Variants in OSBPL9 observed in about 807,000 individuals in gnomAD.
The protein encoded by OSBPL9 is oxysterol-binding protein-related protein 9.
Under a neutral mutation model 106.6 loss-of-function variants are expected in OSBPL9, and 40 were observed. The ratio of observed to expected loss-of-function variants is 0.38; its 90% CI spans 0.29 to 0.49. The LOEUF is 0.49. Ranked by LOEUF, OSBPL9 falls within the 20% of genes least tolerant of loss-of-function variation. The pLI is 0.97. For synonymous variants in OSBPL9, 269 were observed against 295.4 expected (o/e 0.91, Z 0.92); for missense variants, 609 against 887.2 (o/e 0.69, Z 3.98).
intron 4 of OSBPL9, among the ~76,000 whole-genome samples, chr1:51,721,352 ATTAC>A (rs1662096472): frequency 1.3e-5 from 2 of 152,182 alleles, no homozygotes; most frequent in South Asian, 4.1e-4. Context: ...GGGTGGTCCA[ATTAC>A]TTTTGCACCA....
At chr1:51,715,914 A>C (rs1660968187) in intron 4 of OSBPL9, among the ~76,000 whole-genome samples, 1 of 152,042 alleles carries the variant, frequency 6.6e-6, no homozygotes, top group East Asian at 1.9e-4. Context: ...CCAGTCCCCC[A>C]AGTTCAAAAT....
chr1:51,699,144 T>C (rs1437931513), intron 3 of OSBPL9, among the ~76,000 whole-genome samples: 1 of 152,192 alleles, frequency 6.6e-6, no homozygotes, highest in African/African-American at 2.4e-5. Context: ...AAAATACATA[T>C]TCAGACAATG....
chr1:51,636,538 A>G (rs995118804), intron 1 of OSBPL9, among the ~76,000 whole-genome samples: 2 of 152,094 alleles, frequency 1.3e-5, no homozygotes, highest in East Asian at 1.9e-4. Context: ...GGGTTTCACC[A>G]TGTTGTCCAG....
At chr1:51,630,649 A>G (rs1260674760) in intron 1 of OSBPL9, among the ~76,000 whole-genome samples, 1 of 152,214 alleles carries the variant, frequency 6.6e-6, no homozygotes, top group East Asian at 1.9e-4. Flanking sequence ...ATACACTACC[A>G]TAGACTTTAT....
the OSBPL9 span, among the ~76,000 whole-genome samples, chr1:51,570,167 G>A: frequency 6.6e-6 from 1 of 152,326 alleles, no homozygotes; most frequent in South Asian, 2.1e-4. Flanking sequence ...TGCTGTGGTA[G>A]AAAGAGCCCC....
At chr1:51,714,122 GCTTT>G in intron 4 of OSBPL9, 43 bp downstream of exon 4, 1 of 1,422,304 alleles carries the variant, frequency 7.0e-7, no homozygotes, top group Middle Eastern at 1.8e-4. Context: ...ATTAGTTGTT[GCTTT>G]CTTTTTTTGT....
chr1:51,756,297 T>C (rs1397243900), intron 8 of OSBPL9, 23 bp from the exon 9 acceptor site: 1 of 1,603,618 alleles, frequency 6.2e-7, no homozygotes, highest in South Asian at 1.1e-5. Context: ...ATGAAGTTAA[T>C]ATTTTTAACA....
rs1654937610 is a variant in OSBPL9, at chr1:51,691,418, T to G, written c.241+21906T>G. Among the ~76,000 whole-genome samples, 3 of 151,870 alleles carry G rather than the reference T, an allele frequency of 2.0e-5. No homozygotes were observed. The South Asian group carries it at 6.3e-4, about 32-fold the overall frequency. On this transcript the variant is annotated intron_variant, in intron 3 of 23. Transcript: ENST00000428468. ...CCTCAGCCTCTTGAGTAACTGGGATTACAGGCGAGCGCCACCATGCCCGGC... is the reference window on the plus strand; with the variant it reads ...CCTCAGCCTCTTGAGTAACTGGGATGACAGGCGAGCGCCACCATGCCCGGC...
intron 3 of OSBPL9, among the ~76,000 whole-genome samples, chr1:51,697,693 C>A (rs1355400383): frequency 6.6e-6 from 1 of 151,132 alleles, no homozygotes; most frequent in African/African-American, 2.4e-5. Flanking sequence ...AGAGTGAAAT[C>A]TTTTGAATAA....
chr1:51,573,629 C>G (rs1269486550), upstream of OSBPL9, among the ~76,000 whole-genome samples: 1 of 149,120 alleles, frequency 6.7e-6, no homozygotes, highest in Non-Finnish European at 1.5e-5. Flanking sequence ...TCCTGGCCAA[C>G]ATGGTGAGAC....
rs1431594263 is a variant in OSBPL9, at chr1:51,772,158, T to C, written c.1027T>C (p.Leu343=). 1.2e-6 allele frequency: 2 copies of C among 1,613,226 alleles called. No homozygotes were observed. The highest frequency in any genetic ancestry group is 3.3e-5 in the Admixed American group (2 of 59,954). ...TACCACAGAATCACTTAATTCTTCC[T>C]TGTCCAATGGAACAAGTGATGCTGG... ...PDTTESLNSS[L]SNGTSDADLF... The change falls in exon 13 of 24, where the codon TTG becomes CTG. Residue 343 remains leucine, a synonymous_variant. Transcript: ENST00000428468.
chr1:51,785,730 T>C (rs1677458501), intron 20 of OSBPL9, 78 bp from the exon 21 acceptor site: 5 of 1,231,524 alleles, frequency 4.1e-6, no homozygotes, highest in Non-Finnish European at 6.0e-6. Flanking sequence ...CTCTACTCTG[T>C]AGTTGGGCCA....
intron 1 of OSBPL9, among the ~76,000 whole-genome samples, chr1:51,644,606 A>G (rs1428686244): frequency 6.6e-6 from 1 of 152,054 alleles, no homozygotes; most frequent in African/African-American, 2.4e-5. Context: ...GGGATTATAG[A>G]GGTGAGCCAC....
At chr1:51,609,011 CT>C (rs1643967798) in intron 2 of OSBPL9, among the ~76,000 whole-genome samples, 1 of 152,042 alleles carries the variant, frequency 6.6e-6, no homozygotes, top group Admixed American at 6.6e-5. Context: ...ACTTCATCAC[CT>C]TCTTAAAGTT....
At chr1:51,764,798 T>C (rs1557831985) in intron 11 of OSBPL9, among the ~76,000 whole-genome samples, 1 of 152,168 alleles carries the variant, frequency 6.6e-6, no homozygotes, top group Non-Finnish European at 1.5e-5. Context: ...TTGCACAGGC[T>C]GGTCTTGAAC....
intron 2 of OSBPL9, among the ~76,000 whole-genome samples, chr1:51,608,166 A>C (rs935497292): frequency 6.6e-6 from 1 of 152,202 alleles, no homozygotes; most frequent in Non-Finnish European, 1.5e-5. Flanking sequence ...CTTAGTGTGC[A>C]TGCTTGAGCC....
intron 2 of OSBPL9, among the ~76,000 whole-genome samples, chr1:51,599,892 A>C (rs1379539886): frequency 2.4e-4 from 37 of 152,310 alleles, no homozygotes; most frequent in Admixed American, 2.4e-3. Context: ...CCTCTCTGAA[A>C]GCTGTCTGCT....
intron 1 of OSBPL9, among the ~76,000 whole-genome samples, chr1:51,622,410 T>C (rs1644496063): frequency 6.6e-6 from 1 of 152,232 alleles, no homozygotes; most frequent in African/African-American, 2.4e-5. Flanking sequence ...CTGGATTTAG[T>C]TATCTATTGC....
the OSBPL9 span, among the ~76,000 whole-genome samples, chr1:51,571,915 A>G: frequency 2.6e-5 from 4 of 152,264 alleles, no homozygotes; most frequent in African/African-American, 4.8e-5. Context: ...GAGGAATCCA[A>G]TGAACCTGAG....
Sources: gnomAD v4.1 joint callset for allele counts (sites outside exome capture counted in the v4.1 genomes callset) on GRCh38, gnomAD v4.1.1 for gene constraint, MANE v1.5 for transcripts, NCBI Gene and HGNC (gene_info 2026-07-23, HGNC 2026-07-21) for gene names.